Variants in CUX1 observed in about 807,000 individuals in gnomAD.
CUX1 encodes cut like homeobox 1.
A neutral mutation model predicts 158.8 loss-of-function variants in CUX1; 31 were observed. The observed-to-expected ratio is 0.20, with a 90% CI of 0.15 to 0.26. The LOEUF is 0.26. Among genes scored for constraint, CUX1 ranks in the 10% least tolerant of loss-of-function variants. CUX1 has a pLI of 1.00. For synonymous variants in CUX1, 879 were observed against 862.1 expected, an observed-to-expected ratio of 1.02 and a Z score of -0.34; for missense variants, 1,589 against 2,014.6, an observed-to-expected ratio of 0.79 and a Z score of 4.04.
chr7:102,178,695 G>T (rs1792677320), intron 11 of CUX1, 38 bp downstream of exon 11: 2 of 1,571,554 alleles, frequency 1.3e-6, no homozygotes, highest in Non-Finnish European at 1.7e-6. Context: ...GCCCGAGGAG[G>T]CAGGGCGGAT....
At chr7:102,013,609 C>G (rs978137854) in intron 2 of CUX1, among the ~76,000 whole-genome samples, 34 of 152,228 alleles carry the variant, frequency 2.2e-4, no homozygotes, top group Admixed American at 5.9e-4. Context: ...TAGATCCAAG[C>G]TCACATATAC....
intron 8 of CUX1, among the ~76,000 whole-genome samples, chr7:102,117,935 A>G (rs189851407): frequency 4.4e-4 from 67 of 152,310 alleles, no homozygotes; most frequent in Non-Finnish European, 7.2e-4. Flanking sequence ...ACGTAATGTA[A>G]TAGTTCCCAG....
chr7:102,133,845 C>T (rs1278823286), intron 8 of CUX1, among the ~76,000 whole-genome samples: 7 of 152,104 alleles, frequency 4.6e-5, no homozygotes, highest in Non-Finnish European at 5.9e-5. Flanking sequence ...TAAATGAAGC[C>T]CCCACACCGG....
intron 2 of CUX1, among the ~76,000 whole-genome samples, chr7:102,007,709 C>T (rs1028364323): frequency 2.0e-5 from 3 of 151,358 alleles, no homozygotes; most frequent in African/African-American, 7.3e-5. Flanking sequence ...CCCCCTCCCT[C>T]GCCACCACCC....
At chr7:102,048,436 C>T (rs1486856066) in intron 3 of CUX1, among the ~76,000 whole-genome samples, 2 of 152,142 alleles carry the variant, frequency 1.3e-5, no homozygotes, top group South Asian at 2.1e-4. Flanking sequence ...GGTTGGAAGG[C>T]GTGGTAGTGT....
At chr7:102,011,155 G>C (rs893009879) in intron 2 of CUX1, among the ~76,000 whole-genome samples, 2 of 151,960 alleles carry the variant, frequency 1.3e-5, no homozygotes, top group East Asian at 1.9e-4. Context: ...TGTTATTGAC[G>C]GTCTCTTTGT....
rs137998560 is a variant in CUX1 at position 102,071,478 on chromosome 7, T to C, written c.268+1061T>C. On this transcript the variant is annotated intron_variant, in intron 4 of 23. Transcript: ENST00000292535. ...GGGGCCCAGCTCAGCCCTGGAGAGA[T>C]GCTGATCAGAAAATTAGGAAAGTCA... Among the ~76,000 whole-genome samples the C allele has an allele frequency of 5.6e-3, 858 of 152,238 alleles. 11 individuals are homozygous for C. Among genetic ancestry groups the C allele is most frequent in the African/African-American group, 0.019 (806 of 41,548 alleles).
intron 20 of CUX1, among the ~76,000 whole-genome samples, chr7:102,223,790 G>A (rs1268610865): frequency 1.3e-5 from 2 of 152,122 alleles, no homozygotes; most frequent in Admixed American, 1.3e-4. Context: ...CCAACATTGT[G>A]AAACCCCATC....
chr7:102,017,680 T>C (rs1818804398), intron 2 of CUX1, among the ~76,000 whole-genome samples: 1 of 152,144 alleles, frequency 6.6e-6, no homozygotes, highest in Non-Finnish European at 1.5e-5. Flanking sequence ...ACCCCATCTC[T>C]ACTAAAAAAT....
At chr7:102,025,705 A>C (rs895969186) in intron 2 of CUX1, among the ~76,000 whole-genome samples, 1 of 152,182 alleles carries the variant, frequency 6.6e-6, no homozygotes, top group African/African-American at 2.4e-5. Flanking sequence ...ATAGAAAATC[A>C]TCTAGTTGAG....
chr7:102,254,797 C>T lies in CUX1; in HGVS notation c.*5755C>T, dbSNP rs1252467781. On this transcript the variant is annotated 3_prime_UTR_variant, in exon 24 of 24. Transcript: ENST00000292535. Reference sequence around the variant, plus strand: ...CCAGTGTGATGTGGTTGGATCTCAGCGTGTACTGAATGCCAGTCTGGCCGG... The same window carrying T: ...CCAGTGTGATGTGGTTGGATCTCAGTGTGTACTGAATGCCAGTCTGGCCGG... 3.8e-5 allele frequency: 37 copies of T among 985,268 alleles called. No individual in the cohort carries two copies. The highest frequency in any genetic ancestry group is 3.3e-4 in the African/African-American group (19 of 57,212). The allele number at this position is 985,268 out of a possible 1,614,324, so 61.0% of individuals were successfully genotyped here. A position where few individuals can be genotyped will look rare whatever the true frequency, so the allele number is the denominator to read the frequency against.
At chr7:101,858,814 C>T (rs968037468) in intron 1 of CUX1, among the ~76,000 whole-genome samples, 4 of 151,974 alleles carry the variant, frequency 2.6e-5, no homozygotes, top group African/African-American at 9.7e-5. Context: ...TACACACACT[C>T]GCTACCATGC....
rs1377451679 is a variant in CUX1 at position 102,257,398 on chromosome 7, G to T, written c.*8356G>T. On this transcript the variant is annotated 3_prime_UTR_variant, in exon 24 of 24. Coordinates refer to ENST00000292535, the MANE Select transcript of CUX1 (RefSeq NM_181552.4). ...TCCCTTGAGAAAACGGGCATCTCAC[G>T]TACCCCCATCTGAGACCTCTTGGAA... 1.0e-6 allele frequency: 1 copy of T among 982,972 alleles called. No homozygotes were observed. Among genetic ancestry groups the T allele is most frequent in the East Asian group, 1.1e-4 (1 of 8,782 alleles). 60.9% of individuals were successfully genotyped at this position (982,972 alleles called of 1,614,324 possible).
At chr7:102,013,121 A>G (rs1308314924) in intron 2 of CUX1, among the ~76,000 whole-genome samples, 1 of 151,028 alleles carries the variant, frequency 6.6e-6, no homozygotes, top group African/African-American at 2.4e-5. Flanking sequence ...TTCTGCCGTC[A>G]TACCAAAAAA....
chr7:102,191,310 C>T (rs544518679), intron 12 of CUX1, among the ~76,000 whole-genome samples: 3 of 152,098 alleles, frequency 2.0e-5, no homozygotes, highest in Non-Finnish European at 2.9e-5. Context: ...CTCGGCTCAC[C>T]GCAACCTCCG....
intron 23 of CUX1, among the ~76,000 whole-genome samples, chr7:102,240,984 C>G (rs1473941016): frequency 1.3e-5 from 2 of 152,120 alleles, no homozygotes; most frequent in African/African-American, 4.8e-5. Context: ...CCACGCCTGG[C>G]TAATTTTTGT....
intron 3 of CUX1, among the ~76,000 whole-genome samples, chr7:102,036,761 C>CA (rs35844490): frequency 0.18 from 20,715 of 115,618 alleles, 2,052 homozygotes; most frequent in East Asian, 0.56. Flanking sequence ...AGCAAACAAA[C>CA]AAAAAAAAAA....
chr7:102,135,806 C>T (rs1238895588), intron 8 of CUX1, among the ~76,000 whole-genome samples: 1 of 151,974 alleles, frequency 6.6e-6, no homozygotes, highest in Admixed American at 6.6e-5. Context: ...GTAAACCCAT[C>T]TCTACTCTAA....
chr7:101,994,796 G>C (rs1041784827), intron 2 of CUX1, among the ~76,000 whole-genome samples: 2 of 151,832 alleles, frequency 1.3e-5, no homozygotes, highest in Non-Finnish European at 2.9e-5. Context: ...GTGTCTAGAA[G>C]AGAAACATTA....
Sources: allele counts gnomAD v4.1 joint callset (sites outside exome capture counted in the v4.1 genomes callset), GRCh38; gene constraint gnomAD v4.1.1; transcripts MANE v1.5; gene names NCBI Gene and HGNC (gene_info 2026-07-23, HGNC 2026-07-21).